RGL1: variants seen among roughly 807,000 people sequenced by gnomAD.
The protein encoded by RGL1 is ral guanine nucleotide dissociation stimulator like 1.
In RGL1, 24 loss-of-function variants were observed where a neutral mutation model predicts 95.2. The ratio of observed to expected loss-of-function variants is 0.25; its 90% CI spans 0.18 to 0.35. RGL1 has a LOEUF of 0.35. Among genes scored for constraint, RGL1 ranks in the 10% least tolerant of loss-of-function variants. RGL1 has a pLI of 1.00. For missense variants in RGL1, 715 were observed against 936.3 expected, an observed-to-expected ratio of 0.76 and a Z score of 3.08; for synonymous variants, 329 against 344.9, an observed-to-expected ratio of 0.95 and a Z score of 0.51.
At chr1:183,891,190 C>T (rs1051353261) in intron 8 of RGL1, among the ~76,000 whole-genome samples, 1 of 152,050 alleles carries the variant, frequency 6.6e-6, no homozygotes, top group Non-Finnish European at 1.5e-5. Flanking sequence ...AAAACAGGCT[C>T]TTAATAATGG....
rs116525266 is a variant in RGL1 at position 183,908,817 on chromosome 1, G to A, written c.1562+1716G>A. ...AAACAAAAATTCTCAATGCAGGCAGGCCTAATCCTGCGTCCTGCTACCTCT... is the reference window on the plus strand; with the variant it reads ...AAACAAAAATTCTCAATGCAGGCAGACCTAATCCTGCGTCCTGCTACCTCT... On this transcript the variant is annotated intron_variant, in intron 14 of 17. Transcript: ENST00000360851. 1.6e-3 allele frequency among the ~76,000 whole-genome samples: 246 copies of A among 152,292 alleles called. 1 individual carries two copies. The highest frequency in any genetic ancestry group is 5.8e-3 in the African/African-American group (240 of 41,562).
intron 2 of RGL1, among the ~76,000 whole-genome samples, chr1:183,819,414 A>G (rs1446619058): frequency 6.6e-6 from 1 of 152,180 alleles, no homozygotes; most frequent in African/African-American, 2.4e-5. Flanking sequence ...TTTTGGGTAT[A>G]CTTTTACATT....
chr1:183,653,774 A>G (rs1444576565), intron 1 of RGL1, among the ~76,000 whole-genome samples: 1 of 152,132 alleles, frequency 6.6e-6, no homozygotes, highest in African/African-American at 2.4e-5. Context: ...ATTGGTATGT[A>G]TGTGGTTCCC....
chr1:183,662,375 A>G (rs920790449), intron 1 of RGL1, among the ~76,000 whole-genome samples: 3 of 151,950 alleles, frequency 2.0e-5, no homozygotes, highest in Non-Finnish European at 2.9e-5. Flanking sequence ...TCAGGATACA[A>G]AATCAATGTG....
At chr1:183,801,382 T>C (rs1177008357), upstream of RGL1, among the ~76,000 whole-genome samples, 1 of 152,164 alleles carries the variant, frequency 6.6e-6, no homozygotes, top group Non-Finnish European at 1.5e-5. Context: ...GCTCTTAAAA[T>C]ATTGTGGGTA....
intron 2 of RGL1, among the ~76,000 whole-genome samples, chr1:183,746,028 T>C (rs1314916323): frequency 6.6e-6 from 1 of 152,114 alleles, no homozygotes; most frequent in Non-Finnish European, 1.5e-5. Context: ...ATTCATTTTT[T>C]TTTTTTTGCT....
At chr1:183,879,058 T>C (rs1666677581) in intron 4 of RGL1, among the ~76,000 whole-genome samples, 1 of 152,244 alleles carries the variant, frequency 6.6e-6, no homozygotes, top group African/African-American at 2.4e-5. Flanking sequence ...GTGAAATTAT[T>C]GTTTATCATT....
intron 1 of RGL1, among the ~76,000 whole-genome samples, chr1:183,666,073 T>G (rs1420245118): frequency 5.3e-5 from 8 of 150,384 alleles, no homozygotes; most frequent in Non-Finnish European, 1.2e-4. Flanking sequence ...TGGCGTGATC[T>G]CGGCTCACTG....
chr1:183,647,531 T>G (rs1440153137), intron 1 of RGL1: 1 of 1,275,196 alleles, frequency 7.8e-7, no homozygotes, highest in East Asian at 2.4e-5. Flanking sequence ...TTTATAATAG[T>G]TGATATGGTA....
chr1:183,781,033 A>G (rs2102354726), intron 2 of RGL1, among the ~76,000 whole-genome samples: 1 of 152,246 alleles, frequency 6.6e-6, no homozygotes, highest in East Asian at 1.9e-4. Flanking sequence ...TAGCCTTTCC[A>G]TTGGCCAGAG....
chr1:183,822,705 TACTC>T (rs999658409), intron 2 of RGL1, among the ~76,000 whole-genome samples: 1 of 152,350 alleles, frequency 6.6e-6, no homozygotes, highest in African/African-American at 2.4e-5. Context: ...TTTGTTTGTT[TACTC>T]ACTCACTCAA....
intron 1 of RGL1, among the ~76,000 whole-genome samples, chr1:183,699,516 A>G (rs1444248442): frequency 6.6e-6 from 1 of 152,134 alleles, no homozygotes; most frequent in African/African-American, 2.4e-5. Context: ...TGATTTTCAT[A>G]TTATCCTATT....
chr1:183,890,531 A>T (rs535376496), intron 8 of RGL1, among the ~76,000 whole-genome samples: 2 of 152,224 alleles, frequency 1.3e-5, no homozygotes, highest in African/African-American at 2.4e-5. Context: ...ACACACTTCT[A>T]TATCAGCTTT....
chr1:183,664,008 A>C (rs1408941797), intron 1 of RGL1, among the ~76,000 whole-genome samples: 1 of 144,476 alleles, frequency 6.9e-6, no homozygotes, highest in Non-Finnish European at 1.5e-5. Context: ...GTGGGAATTG[A>C]ACAATGAGAA....
chr1:183,639,986 C>T (rs113892346), intron 1 of RGL1, among the ~76,000 whole-genome samples: 147 of 152,096 alleles, frequency 9.7e-4, no homozygotes, highest in Non-Finnish European at 1.3e-3. Flanking sequence ...GGATTACAGG[C>T]GCACACCACC....
At chr1:183,908,832 C>T (rs954375044) in intron 14 of RGL1, among the ~76,000 whole-genome samples, 3 of 152,192 alleles carry the variant, frequency 2.0e-5, no homozygotes, top group African/African-American at 7.2e-5. Context: ...ATCCTGCGTC[C>T]TGCTACCTCT....
chr1:183,907,215 C>G (rs1668387085), intron 14 of RGL1, 114 bp downstream of exon 14: 2 of 671,536 alleles, frequency 3.0e-6, no homozygotes, highest in African/African-American at 3.6e-5. Context: ...GCACTCCGCT[C>G]ATTTGTTAAG....
intron 3 of RGL1, among the ~76,000 whole-genome samples, chr1:183,857,869 C>G (rs1665254113): frequency 6.6e-6 from 1 of 152,154 alleles, no homozygotes; most frequent in Admixed American, 6.5e-5. Flanking sequence ...AGAGCCTTAG[C>G]TTGTGGGACG....
intron 1 of RGL1, among the ~76,000 whole-genome samples, chr1:183,718,353 A>T (rs1655770429): frequency 1.3e-5 from 2 of 152,246 alleles, no homozygotes; most frequent in South Asian, 4.1e-4. Context: ...AAGGAATGAC[A>T]TAAGTTTGTG....
Sources: gnomAD v4.1 joint callset for allele counts (sites outside exome capture counted in the v4.1 genomes callset) on GRCh38, gnomAD v4.1.1 for gene constraint, MANE v1.5 for transcripts, NCBI Gene and HGNC (gene_info 2026-07-23, HGNC 2026-07-21) for gene names.